The following NEB variants were observed in gnomAD, a reference collection of about 807,000 sequenced individuals.
NEB encodes nebulin, also known as nemaline myopathy type 2.
Under a neutral mutation model 952.2 loss-of-function variants are expected in NEB, and 512 were observed. That is an observed-to-expected ratio of 0.54 (90% CI 0.50 to 0.58). The LOEUF is 0.58. Ranked by LOEUF, NEB falls within the 20% of genes least tolerant of loss-of-function variation. The pLI, the probability that NEB is intolerant of heterozygous loss-of-function variation, is 0.00. For synonymous variants in NEB, 2,900 were observed against 3,149.8 expected (o/e 0.92, Z 2.66); for missense variants, 8,428 against 9,231.1 (o/e 0.91, Z 3.56).
chr2:151,711,827 A>G (rs1483531758), intron 10 of NEB, among the ~76,000 whole-genome samples: 1 of 152,204 alleles, frequency 6.6e-6, no homozygotes, highest in African/African-American at 2.4e-5. Context: ...TATTGTCATC[A>G]TCATAACAGA....
rs1286557236 is a variant in NEB, at chr2:151,659,127, G to A, written c.6013C>T (p.His2005Tyr). The A allele has an allele frequency of 6.2e-7, 1 of 1,613,060 alleles. No individual in the cohort carries two copies. Among genetic ancestry groups the A allele is most frequent in the Non-Finnish European group, 8.5e-7 (1 of 1,179,222 alleles). Residue 2005 changes from histidine to tyrosine, a missense_variant, in exon 47 of 182, where the codon CAC becomes TAC. His to Tyr is a moderately conservative substitution (Grantham distance 83). Around this residue, in one of 11 missense-constraint regions of NEB, gnomAD observed 2,851 missense variants for 2,791.5 expected, o/e 1.02. Transcript: ENST00000397345. ...QAWEADKTKV[H>Y]IMPDIPQIIL... ...ATCTGGGGGATATCAGGCATGATGT[G>A]GACTTTGGTTTTGTCAGCCTCCCAT... is the stretch of plus-strand genomic sequence containing the variant.
Position 151,502,960 on chromosome 2 carries a change from AG to A in NEB, c.23836-76del, listed in dbSNP as rs1462354558. The A allele has an allele frequency of 3.4e-6, 3 of 879,828 alleles. No individual in the cohort carries two copies. In the African/African-American group the frequency reaches 5.1e-5, roughly 15 times the overall value. 54.5% of individuals were successfully genotyped at this position (879,828 alleles called of 1,614,324 possible). ...AGTAAGGAAGGAAGGAAATGGGGGA[AG>A]GGGTTATATGTGAGGAGGCAGTTTT... is the stretch of plus-strand genomic sequence containing the variant. On this transcript the variant is annotated intron_variant, in intron 166 of 181. Coordinates refer to ENST00000397345, the MANE Select transcript of NEB (RefSeq NM_001164508.2).
At chr2:151,664,725 T>C (rs764729065) in intron 43 of NEB, 34 bp downstream of exon 43, 5 of 1,564,534 alleles carry the variant, frequency 3.2e-6, no homozygotes, top group Admixed American at 1.8e-5. Flanking sequence ...CCTTTAACCT[T>C]CTCCCCAGCT....
At chr2:151,640,158 G>A in intron 61 of NEB, 98 bp from the exon 62 acceptor site, 2 of 1,494,456 alleles carry the variant, frequency 1.3e-6, no homozygotes, top group South Asian at 2.4e-5. Flanking sequence ...TCAAAATTTA[G>A]TTTGGTGGAC....
chr2:151,677,389 G>A (rs945135819), intron 34 of NEB, among the ~76,000 whole-genome samples, 176 bp downstream of exon 34: 1 of 152,034 alleles, frequency 6.6e-6, no homozygotes, highest in Non-Finnish European at 1.5e-5. Flanking sequence ...AAAAGCAAGA[G>A]AGAAGAAAAT....
Position 151,513,638 on chromosome 2 carries a change from A to G in NEB, c.23183T>C (p.Met7728Thr). The change falls in exon 160 of 182, where the codon ATG becomes ACG. Residue 7728 changes from methionine to threonine, a missense_variant. Physicochemically the swap from Met to Thr is moderately conservative, Grantham distance 81 (BLOSUM62 -1). This residue lies in a region of NEB where 3,374 missense variants were observed against 3,651.5 expected (regional missense o/e 0.92). Coordinates refer to ENST00000397345, the MANE Select transcript of NEB (RefSeq NM_001164508.2). ...LEVKGRGLNA[M>T]ANETPDFMRA... ...CATAAAATCCGGAGTTTCATTGGCC[A>G]TGGCATTCAGGCCTCTTCCTTTGAC... The G allele has an allele frequency of 2.5e-6, 4 of 1,610,614 alleles. No homozygotes were observed. The highest frequency in any genetic ancestry group is 1.7e-4 in the Middle Eastern group (1 of 6,060).
intron 156 of NEB, 126 bp downstream of exon 156, chr2:151,518,192 C>T: frequency 1.4e-6 from 1 of 734,348 alleles, no homozygotes; most frequent in Non-Finnish European, 2.5e-6. Flanking sequence ...AAAAAGTTAC[C>T]AGATTCAAAA....
At position 151,654,092 on chromosome 2, in the gene NEB, TAG is replaced by T. The variant is rs1180339426; in HGVS notation, c.6813_6814del (p.Tyr2272Ter). 6.3e-7 allele frequency: 1 copy of T among 1,597,910 alleles called. No individual in the cohort carries two copies. The highest frequency in any genetic ancestry group is 8.5e-7 in the Non-Finnish European group (1 of 1,171,610). On this transcript the variant is annotated frameshift_variant, in exon 52 of 182. Coordinates refer to ENST00000397345, the MANE Select transcript of NEB (RefSeq NM_001164508.2). LOFTEE classifies it high-confidence loss of function. ...CAAAGCTTCTTCCCATCCAAGTTTA[TAG>T]AGTTTCTGAAAATTAAAGATATTCT...
intron 3 of NEB, among the ~76,000 whole-genome samples, chr2:151,731,228 A>G (rs1305011609): frequency 6.6e-6 from 1 of 152,208 alleles, no homozygotes; most frequent in Non-Finnish European, 1.5e-5. Flanking sequence ...AAATACGCTT[A>G]TAAAAGAGGC....
intron 80 of NEB, 56 bp downstream of exon 80, chr2:151,610,460 C>T (rs1034060258): frequency 3.7e-6 from 5 of 1,359,776 alleles, no homozygotes; most frequent in Non-Finnish European, 5.2e-6. Flanking sequence ...CACCAGCCAC[C>T]CTCTGGGTTG....
intron 16 of NEB, 76 bp downstream of exon 16, chr2:151,697,072 G>A: frequency 9.1e-7 from 1 of 1,098,004 alleles, no homozygotes; most frequent in Non-Finnish European, 1.3e-6. Flanking sequence ...TGTAAAAGTG[G>A]CAACATTTTA....
chr2:151,561,342 TG>T (rs1258233305), intron 121 of NEB, 30 bp from the exon 122 acceptor site: 8 of 1,485,572 alleles, frequency 5.4e-6, no homozygotes, highest in Non-Finnish European at 7.3e-6. Context: ...TCATCAAAAA[TG>T]GTAACATACA....
chr2:151,633,872 C>T lies in NEB; in HGVS notation c.9196G>A (p.Val3066Ile), dbSNP rs755604172. The T allele has an allele frequency of 5.6e-6, 9 of 1,613,914 alleles. No individual in the cohort carries two copies. Among genetic ancestry groups the T allele is most frequent in the African/African-American group, 2.7e-5 (2 of 74,946 alleles). The change falls in exon 65 of 182, where the codon GTA (valine) becomes ATA (isoleucine). Residue 3066 changes from valine to isoleucine, a missense_variant. Coordinates refer to ENST00000397345, the MANE Select transcript of NEB (RefSeq NM_001164508.2). The part of the protein sequence containing the change: ...DDPKMMWSMH[V>I]AKIQSDREYK... ...TCCCTGTCACTCTGGATCTTGGCTA[C>T]GTGCATGGACCACATCATCTTGGGG...
intron 142 of NEB, chr2:151,534,237 G>A (rs1216083059): frequency 6.2e-7 from 1 of 1,613,548 alleles, no homozygotes; most frequent in South Asian, 1.1e-5. Context: ...GTCGCCTGCG[G>A]TCTTAGCCAG....
At position 151,671,163 on chromosome 2, in the gene NEB, C is replaced by A; in HGVS notation, c.4366G>T (p.Glu1456Ter). 1 of 1,613,974 alleles carries A rather than the reference C, an allele frequency of 6.2e-7. No homozygotes were observed. The highest frequency in any genetic ancestry group is 8.5e-7 in the Non-Finnish European group (1 of 1,179,862). The change falls in exon 38 of 182, where the codon GAG becomes TAG. Residue 1456 changes from glutamate to a stop codon, truncating the protein, a stop_gained. Transcript: ENST00000397345. LOFTEE classifies it high-confidence loss of function. ...CCTGCTTTCTTGACCTTCTCCACCT[C>A]CAGGGAACCAATAGGGATCCATCCG... ...GIGWIPIGSL[E>*]VEKVKKAGDA...
In NEB at chr2:151,568,691, G is replaced by A. The variant is rs778311332; in HGVS notation, c.17561C>T (p.Thr5854Ile). ...SEKKYRTKIE[T>I]LNFTPVDDRV... is the part of the protein sequence containing the mutation. Reference sequence around the variant, plus strand: ...GTCATCCACAGGCGTAAAGTTGAGAGTTTCTATTTTTGTGCGATATTTTTT... The same window carrying A: ...GTCATCCACAGGCGTAAAGTTGAGAATTTCTATTTTTGTGCGATATTTTTT... Residue 5854 changes from threonine to isoleucine, a missense_variant, in exon 111 of 182, where the codon ACT becomes ATT. Thr to Ile is a moderately conservative substitution (Grantham distance 89). This residue lies in a region of NEB where 3,374 missense variants were observed against 3,651.5 expected (regional missense o/e 0.92). Transcript: ENST00000397345. The A allele has an allele frequency of 1.2e-6, 2 of 1,603,926 alleles. No homozygotes were observed. The highest frequency in any genetic ancestry group is 1.7e-5 in the Admixed American group (1 of 58,590).
Position 151,567,483 on chromosome 2 carries a change from G to A in NEB, c.17845-4C>T. On this transcript the variant is annotated splice_polypyrimidine_tract_variant and splice_region_variant and intron_variant, in intron 113 of 181. Transcript: ENST00000397345. ...CATGTTCAGCTTTGTATTTCAGCTG[G>A]CGAGAAGAGGAATATAAATTCCATC... The A allele has an allele frequency of 6.3e-7, 1 of 1,598,128 alleles. No homozygotes were observed. Among genetic ancestry groups the A allele is most frequent in the Non-Finnish European group, 8.5e-7 (1 of 1,171,142 alleles).
chr2:151,696,052 C>T (rs1339756639), intron 17 of NEB, among the ~76,000 whole-genome samples: 5 of 152,198 alleles, frequency 3.3e-5, no homozygotes, highest in Non-Finnish European at 1.5e-5. Context: ...GACATCAGGG[C>T]TTTTGATGCT....
Position 151,614,502 on chromosome 2 carries a change from G to C in NEB, c.11375C>G (p.Ser3792Cys). Reference sequence around the variant, plus strand: ...ACTCTGGATCTTGGCCACATGGATGGACCACATCATCTTCGGGTCATCCTT... The same window carrying C: ...ACTCTGGATCTTGGCCACATGGATGCACCACATCATCTTCGGGTCATCCTT... ...NIKDDPKMMW[S>C]IHVAKIQSDR... The change falls in exon 77 of 182, where the codon TCC becomes TGC. Residue 3792 changes from serine to cysteine, a missense_variant. Transcript: ENST00000397345. The C allele has an allele frequency of 6.2e-7, 1 of 1,613,826 alleles. No individual in the cohort carries two copies. Among genetic ancestry groups the C allele is most frequent in the Non-Finnish European group, 8.5e-7 (1 of 1,179,848 alleles).
Sources: allele counts gnomAD v4.1 joint callset (sites outside exome capture counted in the v4.1 genomes callset), GRCh38; gene constraint gnomAD v4.1.1; regional missense constraint gnomAD v4.1.1; transcripts MANE v1.5; gene names NCBI Gene and HGNC (gene_info 2026-07-23, HGNC 2026-07-21).